GPR137B: variants seen among roughly 807,000 people sequenced by gnomAD.
The protein encoded by GPR137B is G protein-coupled receptor 137B, also known as integral membrane protein GPR137B.
A neutral mutation model predicts 42.5 loss-of-function variants in GPR137B; 42 were observed. That is an observed-to-expected ratio of 0.99 (90% confidence interval 0.77 to 1.28). The LOEUF (loss-of-function observed/expected upper bound fraction) is 1.28, where lower values mean the gene tolerates loss of function less well. GPR137B is among the 50% of genes most tolerant of loss of function. The probability of loss-of-function intolerance (pLI) is 0.00; values close to 1 mark genes in which losing one functional copy is unlikely to be tolerated. For synonymous variants in GPR137B, 218 were observed against 209.7 expected, an observed-to-expected ratio of 1.04 and a Z score of -0.34; for missense variants, 487 against 493.9, an observed-to-expected ratio of 0.99 and a Z score of 0.13.
chr1:236,203,593 T>G (rs905837656), intron 5 of GPR137B, among the ~76,000 whole-genome samples: 1 of 152,216 alleles, frequency 6.6e-6, no homozygotes, highest in Non-Finnish European at 1.5e-5. Context: ...GCATTGAATC[T>G]GTAGATTGCT....
At position 236,178,526 on chromosome 1, in the gene GPR137B, G is replaced by T; in HGVS notation, c.577G>T (p.Val193Leu). ...TTGGGAGAGGAAGGTTATCGTCTCT[G>T]TGCGAGTGGCCATTAATGACACGCT... ...GNWERKVIVS[V>L]RVAINDTLFV... Residue 193 changes from valine (V) to leucine (L), a missense_variant, in exon 3 of 7, where the codon GTG (valine) becomes TTG (leucine). Transcript: ENST00000366592. The T allele has an allele frequency of 6.2e-7, 1 of 1,613,196 alleles. No individual in the cohort carries two copies. Among genetic ancestry groups the T allele is most frequent in the Non-Finnish European group, 8.5e-7 (1 of 1,179,410 alleles).
chr1:236,163,606 T>C (rs967300697), intron 1 of GPR137B, among the ~76,000 whole-genome samples: 6 of 152,168 alleles, frequency 3.9e-5, no homozygotes, highest in African/African-American at 1.4e-4. Context: ...ACTATTCTTG[T>C]GATAGTGAAT....
At chr1:236,187,392 T>G (rs1231577926) in intron 5 of GPR137B, among the ~76,000 whole-genome samples, 2 of 152,220 alleles carry the variant, frequency 1.3e-5, no homozygotes, top group African/African-American at 4.8e-5. Flanking sequence ...TGTTTTAGAA[T>G]GAAGTCTTTG....
At chr1:236,185,605 G>A (rs1170987319) in intron 5 of GPR137B, among the ~76,000 whole-genome samples, 1 of 152,040 alleles carries the variant, frequency 6.6e-6, no homozygotes. Flanking sequence ...ACCCAGGCTG[G>A]AGTGCAGTGG....
chr1:236,146,600 T>G (rs1395669787), intron 1 of GPR137B, among the ~76,000 whole-genome samples: 1 of 152,176 alleles, frequency 6.6e-6, no homozygotes, highest in African/African-American at 2.4e-5. Context: ...TGAGAACACT[T>G]GCCCACACTG....
At position 236,148,135 on chromosome 1, in the gene GPR137B, T is replaced by TG. The variant is rs1661734464; in HGVS notation, c.414+5103dup. Among the ~76,000 whole-genome samples the TG allele has an allele frequency of 3.3e-5, 5 of 152,266 alleles. No individual in the cohort carries two copies. In the South Asian group the frequency reaches 6.2e-4, roughly 19 times the overall value. On this transcript the variant is annotated intron_variant, in intron 1 of 6. Coordinates refer to ENST00000366592, the MANE Select transcript of GPR137B (RefSeq NM_003272.4). ...GCGCTGTGTCAAATCACCATTTTAGTGGGGACTTAGGAGAGGGGCAGGACT... is the reference window on the plus strand; with the variant it reads ...GCGCTGTGTCAAATCACCATTTTAGTGGGGGACTTAGGAGAGGGGCAGGACT...
Position 236,168,708 on chromosome 1 carries a change from G to A in GPR137B, c.417G>A (p.Val139=), listed in dbSNP as rs1662436437. The A allele has an allele frequency of 6.2e-7, 1 of 1,612,182 alleles. No homozygotes were observed. The highest frequency in any genetic ancestry group is 8.5e-7 in the Non-Finnish European group (1 of 1,178,188). ...GCCATGCTTTTCTGTCGTTGCAGGT[G>A]ATTTTCAAAGCCAAGTCAAAATATT... ...LTLMNLYFTQ[V]IFKAKSKYSP... is the part of the protein sequence containing the mutation. Residue 139 remains valine (V), a splice_region_variant and synonymous_variant, in exon 2 of 7, where the codon GTG becomes GTA. Coordinates refer to ENST00000366592, the MANE Select transcript of GPR137B (RefSeq NM_003272.4).
chr1:236,169,031 G>A (rs1420948523), intron 2 of GPR137B, among the ~76,000 whole-genome samples: 1 of 152,188 alleles, frequency 6.6e-6, no homozygotes, highest in Admixed American at 6.5e-5. Context: ...GAAATACATG[G>A]GAATAAAATA....
At chr1:236,163,093 G>A (rs1041944202) in intron 1 of GPR137B, among the ~76,000 whole-genome samples, 4 of 152,210 alleles carry the variant, frequency 2.6e-5, no homozygotes, top group African/African-American at 9.6e-5. Context: ...AAGACCATGG[G>A]AACCCACCTC....
At chr1:236,168,225 G>A (rs1228557742) in intron 1 of GPR137B, among the ~76,000 whole-genome samples, 2 of 152,064 alleles carry the variant, frequency 1.3e-5, no homozygotes, top group South Asian at 2.1e-4. Context: ...TCAGGAGTTC[G>A]AGACCAGCCT....
chr1:236,157,513 T>C (rs1157650130), intron 1 of GPR137B, among the ~76,000 whole-genome samples: 2 of 152,188 alleles, frequency 1.3e-5, no homozygotes, highest in Non-Finnish European at 2.9e-5. Context: ...TGAGCCACTG[T>C]GCCCGGCCCG....
intron 6 of GPR137B, among the ~76,000 whole-genome samples, chr1:236,207,654 G>A (rs1416628913): frequency 3.9e-5 from 6 of 152,216 alleles, no homozygotes; most frequent in Non-Finnish European, 5.9e-5. Flanking sequence ...ATAGGCCCAC[G>A]ACGTAGTTAC....
At position 236,207,242 on chromosome 1, in the gene GPR137B, A is replaced by G. The variant is rs972582541; in HGVS notation, c.1092-808A>G. 4 of 985,234 alleles carry G rather than the reference A, an allele frequency of 4.1e-6. No individual in the cohort carries two copies. In the African/African-American group the frequency reaches 7.0e-5, roughly 17 times the overall value. 61.0% of individuals were successfully genotyped at this position (985,234 alleles called of 1,614,324 possible). The stretch of plus-strand genomic sequence containing the variant: ...AAGATTGTCGCTGAGAAAAAAGAAG[A>G]AAGCTGCCCAATGCGCTGAGCCAGC... On this transcript the variant is annotated intron_variant, in intron 6 of 6. Transcript: ENST00000366592.
Position 236,156,047 on chromosome 1 carries a change from A to G in GPR137B, c.415-12659A>G, listed in dbSNP as rs923649711. ...ATAGGCGCCAGGTGAGCCAAACAGG[A>G]CCATGCAGCGGAGCTCTCAGGAGGG... On this transcript the variant is annotated intron_variant, in intron 1 of 6. Transcript: ENST00000366592. This position sits in a 1 kb window ranked among gnomAD's most constrained non-coding sequence, Gnocchi z 4.8. 1.3e-5 allele frequency among the ~76,000 whole-genome samples: 2 copies of G among 152,214 alleles called. No homozygotes were observed. Among genetic ancestry groups the G allele is most frequent in the African/African-American group, 4.8e-5 (2 of 41,466 alleles).
intron 5 of GPR137B, among the ~76,000 whole-genome samples, chr1:236,184,701 C>T (rs914012522): frequency 2.6e-5 from 4 of 151,948 alleles, no homozygotes; most frequent in Admixed American, 6.6e-5. Context: ...TTTTGGAAGC[C>T]GCCAGGCTTC....
chr1:236,165,839 C>T (rs1050353385), intron 1 of GPR137B, among the ~76,000 whole-genome samples: 6 of 152,284 alleles, frequency 3.9e-5, no homozygotes, highest in Admixed American at 6.5e-5. Context: ...CATTTATTTT[C>T]GGTAATATTT....
At chr1:236,183,546 A>T (rs1662941046) in intron 4 of GPR137B, among the ~76,000 whole-genome samples, 1 of 152,198 alleles carries the variant, frequency 6.6e-6, no homozygotes, top group African/African-American at 2.4e-5. Flanking sequence ...TGAGGTCTAG[A>T]CCATTACTAT....
intron 5 of GPR137B, among the ~76,000 whole-genome samples, chr1:236,195,392 A>G (rs1461128065): frequency 1.3e-5 from 2 of 152,098 alleles, no homozygotes; most frequent in African/African-American, 4.8e-5. Flanking sequence ...ATTTCACTTA[A>G]CATAATCATC....
At chr1:236,143,067 C>T (rs1324984415) in intron 1 of GPR137B, 31 bp downstream of exon 1, 3 of 1,569,380 alleles carry the variant, frequency 1.9e-6, no homozygotes, top group Non-Finnish European at 2.6e-6. Flanking sequence ...TGGAGGCGCT[C>T]ACCTGGCGGG....
Sources: gnomAD v4.1 joint callset for allele counts (sites outside exome capture counted in the v4.1 genomes callset) on GRCh38, gnomAD v4.1.1 for gene constraint, Gnocchi (gnomAD v3.1) non-coding constraint, MANE v1.5 for transcripts, NCBI Gene and HGNC (gene_info 2026-07-23, HGNC 2026-07-21) for gene names.